The following NID2 variants were observed in gnomAD, a reference collection of about 807,000 sequenced individuals.
The protein encoded by NID2 is nidogen 2, also known as nidogen-2.
In NID2, 83 loss-of-function variants were observed where a neutral mutation model predicts 145.4. That is an observed-to-expected ratio of 0.57 (90% CI 0.48 to 0.69). NID2 has a LOEUF of 0.69. Ranked by LOEUF, NID2 falls within the 30% of genes least tolerant of loss-of-function variation. The pLI is 0.00. For synonymous variants in NID2, 739 were observed against 701.3 expected, an observed-to-expected ratio of 1.05 and a Z score of -0.85; for missense variants, 1,807 against 1,765.7, an observed-to-expected ratio of 1.02 and a Z score of -0.42.
Position 52,042,856 on chromosome 14 carries a change from G to T in NID2, c.1505C>A (p.Thr502Lys), listed in dbSNP as rs201252183. The T allele has an allele frequency of 2.5e-6, 4 of 1,614,170 alleles. No homozygotes were observed. Among genetic ancestry groups the T allele is most frequent in the Non-Finnish European group, 3.4e-6 (4 of 1,179,998 alleles). The change falls in exon 6 of 22, where the codon ACG (threonine) becomes AAG (lysine). Residue 502 changes from threonine (T) to lysine (K), a missense_variant. Coordinates refer to ENST00000216286, the MANE Select transcript of NID2 (RefSeq NM_007361.4). The stretch of plus-strand genomic sequence containing the variant: ...GCAGCAGAAGCCAGTGGCATAGTCC[G>T]TGCAGAAGGCATGCCGGGAGCATTG... ...HRQCSRHAFCTDYATGFCCHC... is the reference protein window; with the variant it reads ...HRQCSRHAFCKDYATGFCCHC...
intron 8 of NID2, among the ~76,000 whole-genome samples, chr14:52,040,099 C>T (rs1383250807): frequency 6.6e-6 from 1 of 152,170 alleles, no homozygotes; most frequent in Non-Finnish European, 1.5e-5. Flanking sequence ...TGCCACCACA[C>T]CCTGCTAATT....
intron 9 of NID2, among the ~76,000 whole-genome samples, chr14:52,037,997 A>G (rs562370572): frequency 4.6e-4 from 70 of 152,288 alleles, no homozygotes; most frequent in African/African-American, 1.6e-3. Context: ...TAGTTCTAAT[A>G]GTGTTTTAGT....
At chr14:52,017,710 G>T (rs1389012070) in intron 14 of NID2, among the ~76,000 whole-genome samples, 1 of 152,002 alleles carries the variant, frequency 6.6e-6, no homozygotes, top group South Asian at 2.1e-4. Flanking sequence ...GAATTTCTCT[G>T]TACCTTTTTT....
In NID2 at chr14:52,067,783, G is replaced by A. The variant is rs1238568634; in HGVS notation, c.534+75C>T. 3.8e-5 allele frequency: 58 copies of A among 1,542,506 alleles called. No individual in the cohort carries two copies. The East Asian group carries it at 1.2e-3, about 33-fold the overall frequency. On this transcript the variant is annotated intron_variant, in intron 2 of 21. Transcript: ENST00000216286. ...TAGGCTCAGAAACAACTCCGAGCCA[G>A]TCCCTGGGTCGCTGCCCCAGAATTT...
rs151013123 is a variant in NID2 at position 52,031,024 on chromosome 14, G to A, written c.2258-1334C>T. Among the ~76,000 whole-genome samples, 1,338 of 152,284 alleles carry A rather than the reference G, an allele frequency of 8.8e-3. 18 individuals are homozygous for A. Among genetic ancestry groups the A allele is most frequent in the African/African-American group, 0.031 (1,280 of 41,546 alleles). Reference sequence around the variant, plus strand: ...AGAGAGGCCAAATAACCTGCCCAGGGTTACACAGTCAGAAGAGGTGGATGG... The same window carrying A: ...AGAGAGGCCAAATAACCTGCCCAGGATTACACAGTCAGAAGAGGTGGATGG... On this transcript the variant is annotated intron_variant, in intron 9 of 21. Transcript: ENST00000216286.
At chr14:52,013,475 G>A (rs1167645227) in intron 16 of NID2, among the ~76,000 whole-genome samples, 1 of 152,234 alleles carries the variant, frequency 6.6e-6, no homozygotes, top group Non-Finnish European at 1.5e-5. Flanking sequence ...AATAAGTGTC[G>A]TTCATTAACA....
At chr14:52,020,261 A>C (rs571861074) in intron 12 of NID2, 83 bp from the exon 13 acceptor site, 3 of 1,579,272 alleles carry the variant, frequency 1.9e-6, no homozygotes, top group Non-Finnish European at 1.7e-6. Flanking sequence ...TGGGCTTTGG[A>C]TATGTGGATC....
rs116320177 is a variant in NID2 at position 52,023,352 on chromosome 14, G to A, written c.2675-3174C>T. 7.4e-3 allele frequency among the ~76,000 whole-genome samples: 1,119 copies of A among 152,044 alleles called. 6 individuals are homozygous for A. Among genetic ancestry groups the A allele is most frequent in the African/African-American group, 0.025 (1,050 of 41,432 alleles). ...ATTAGCTGGGCATGCTACTTGGGGG[G>A]GCTGAGATGTGAGGATCACTTGAGC... On this transcript the variant is annotated intron_variant, in intron 12 of 21. Coordinates refer to ENST00000216286, the MANE Select transcript of NID2 (RefSeq NM_007361.4).
At chr14:52,060,392 G>GAGAGAA in intron 2 of NID2, 36 bp from the exon 3 acceptor site, 1 of 1,126,030 alleles carries the variant, frequency 8.9e-7, no homozygotes, top group Admixed American at 2.9e-5. Flanking sequence ...GAGAGAGAGA[G>GAGAGAA]AGAGAAACAT....
intron 21 of NID2, 45 bp from the exon 22 acceptor site, chr14:52,005,541 A>G (rs1890739196): frequency 1.9e-6 from 3 of 1,584,374 alleles, no homozygotes; most frequent in Non-Finnish European, 2.6e-6. Flanking sequence ...GGGTGAGTAT[A>G]TTGTAACCAA....
chr14:52,038,133 T>C (rs962294568), intron 9 of NID2, among the ~76,000 whole-genome samples: 20 of 152,172 alleles, frequency 1.3e-4, no homozygotes, highest in African/African-American at 4.6e-4. Flanking sequence ...TAGTACTGAA[T>C]TGAATAAAAG....
chr14:52,039,906 G>T (rs1394489819), intron 8 of NID2, among the ~76,000 whole-genome samples: 1 of 152,176 alleles, frequency 6.6e-6, no homozygotes, highest in Non-Finnish European at 1.5e-5. Flanking sequence ...TCCAAATCTA[G>T]CATTAGTTTT....
At chr14:52,046,680 G>C (rs1892508584) in intron 5 of NID2, among the ~76,000 whole-genome samples, 2 of 152,218 alleles carry the variant, frequency 1.3e-5, no homozygotes, top group African/African-American at 4.8e-5. Flanking sequence ...TACAGAAAAA[G>C]AAGTTATAAC....
intron 3 of NID2, among the ~76,000 whole-genome samples, chr14:52,057,130 C>A (rs1892872632): frequency 6.6e-6 from 1 of 152,080 alleles, no homozygotes; most frequent in African/African-American, 2.4e-5. Context: ...TAGCCTCAAC[C>A]CCCTGGGCTC....
At chr14:52,011,744 C>A in intron 16 of NID2, 61 bp from the exon 17 acceptor site, 2 of 1,597,884 alleles carry the variant, frequency 1.3e-6, no homozygotes, top group South Asian at 1.1e-5. Flanking sequence ...TGTTCACACT[C>A]AGCTGCCTTG....
chr14:52,053,899 G>A lies in NID2; in HGVS notation c.1109C>T (p.Ser370Phe). 6.2e-7 allele frequency: 1 copy of A among 1,613,986 alleles called. No individual in the cohort carries two copies. Among genetic ancestry groups the A allele is most frequent in the Non-Finnish European group, 8.5e-7 (1 of 1,179,930 alleles). The stretch of plus-strand genomic sequence containing the variant: ...ATCTGGGCCCCCTACCTCTCCCAGA[G>A]ATGTTCCTTCTTTGGTGTGAGGATC... ...TLDPHTKEGT[S>F]LGEVGGPDLK... The change falls in exon 5 of 22, where the codon TCT becomes TTT. Residue 370 changes from serine to phenylalanine, a missense_variant. Physicochemically the swap from Ser to Phe is radical, Grantham distance 155 (BLOSUM62 -2). Coordinates refer to ENST00000216286, the MANE Select transcript of NID2 (RefSeq NM_007361.4).
Position 52,028,738 on chromosome 14 carries a change from G to C in NID2, c.2514C>G (p.Asp838Glu). The C allele has an allele frequency of 6.2e-7, 1 of 1,612,162 alleles. No homozygotes were observed. The change falls in exon 11 of 22, where the codon GAC becomes GAG. Residue 838 changes from aspartate to glutamate, a missense_variant. Transcript: ENST00000216286. ...GGAACTCACAGATGCAAGTATGCCG[G>C]TCATCTGCAAACTCATAACCACTCC... ...ECRSGYEFAD[D>E]RHTCILITPP...
chr14:52,005,594 G>A, intron 21 of NID2, 98 bp from the exon 22 acceptor site: 3 of 1,487,066 alleles, frequency 2.0e-6, no homozygotes, highest in African/African-American at 1.4e-5. Context: ...AAACTAGGTA[G>A]ATTTAAGGTA....
At position 52,038,611 on chromosome 14, in the gene NID2, G is replaced by C. The variant is rs542378154; in HGVS notation, c.2257+136C>G. The C allele has an allele frequency of 9.6e-5, 57 of 596,596 alleles. No homozygotes were observed. The East Asian group carries it at 1.8e-3, about 19-fold the overall frequency. 37.0% of individuals were successfully genotyped at this position (596,596 alleles called of 1,614,324 possible). The stretch of plus-strand genomic sequence containing the variant: ...CCTCTGTTTCCAACTCAAGGGCAAG[G>C]ATCTGCTCTATTCATCCTTATACCT... On this transcript the variant is annotated intron_variant, in intron 9 of 21. Transcript: ENST00000216286.
Sources: gnomAD v4.1 joint callset for allele counts (sites outside exome capture counted in the v4.1 genomes callset) on GRCh38, gnomAD v4.1.1 for gene constraint, MANE v1.5 for transcripts, NCBI Gene and HGNC (gene_info 2026-07-23, HGNC 2026-07-21) for gene names.